Variants in C13orf46 observed in about 807,000 individuals in gnomAD.
C13orf46 encodes the protein uncharacterized protein C13orf46.
intron 6 of C13orf46, among the ~76,000 whole-genome samples, chr13:113,959,691 G>A (rs1445079819): frequency 6.6e-6 from 1 of 152,196 alleles, no homozygotes; most frequent in Non-Finnish European, 1.5e-5. Flanking sequence ...AAACCAATGA[G>A]CAAATTATAT....
intron 6 of C13orf46, among the ~76,000 whole-genome samples, 186 bp downstream of exon 6, chr13:113,964,741 C>T (rs1052245875): frequency 1.1e-4 from 17 of 152,194 alleles, no homozygotes; most frequent in Non-Finnish European, 1.9e-4. Context: ...GTCCGATGTC[C>T]TGTTCCCTGC....
chr13:113,970,966 C>T (rs2052698750), intron 1 of C13orf46, among the ~76,000 whole-genome samples: 5 of 152,294 alleles, frequency 3.3e-5, no homozygotes, highest in East Asian at 1.9e-4. Flanking sequence ...ACTTGGCCAA[C>T]GTGAAACATT....
chr13:113,947,090 C>T, the C13orf46 span, among the ~76,000 whole-genome samples: 3 of 152,230 alleles, frequency 2.0e-5, no homozygotes, highest in African/African-American at 7.2e-5. Context: ...GGCAGCACTA[C>T]AGAAGGTGAG....
the C13orf46 span, among the ~76,000 whole-genome samples, chr13:113,942,972 C>A: frequency 2.6e-5 from 4 of 152,316 alleles, no homozygotes; most frequent in African/African-American, 9.6e-5. Flanking sequence ...CTCTCTAAGG[C>A]CCGCTTGGTG....
At chr13:113,936,961 A>C in the C13orf46 span, among the ~76,000 whole-genome samples, 2 of 152,166 alleles carry the variant, frequency 1.3e-5, no homozygotes, top group South Asian at 4.1e-4. Flanking sequence ...TTGTGTCTCC[A>C]TTTTAGCAGA....
the C13orf46 span, among the ~76,000 whole-genome samples, chr13:113,946,246 G>A: frequency 6.6e-6 from 1 of 152,162 alleles, no homozygotes; most frequent in Non-Finnish European, 1.5e-5. Context: ...GACCAACGTC[G>A]CGTGGAGGAA....
At chr13:113,950,440 G>A (rs1056745662), downstream of C13orf46, among the ~76,000 whole-genome samples, 609 of 150,944 alleles carry the variant, frequency 4.0e-3, 1 homozygote, top group African/African-American at 0.014. Context: ...TCTGTAGAGT[G>A]GGGTCCTCAC....
chr13:113,933,595 T>C, the C13orf46 span, among the ~76,000 whole-genome samples: 10 of 152,176 alleles, frequency 6.6e-5, no homozygotes, highest in Non-Finnish European at 1.2e-4. Flanking sequence ...CTGGGGAGAG[T>C]TGGCATCTTC....
At chr13:113,942,100 A>T in the C13orf46 span, among the ~76,000 whole-genome samples, 2 of 152,266 alleles carry the variant, frequency 1.3e-5, no homozygotes, top group East Asian at 3.8e-4. Context: ...TCATGGTGGC[A>T]TGAGCAACAA....
intron 4 of C13orf46, among the ~76,000 whole-genome samples, chr13:113,968,015 G>C (rs995050575): frequency 0.7 from 106,438 of 152,092 alleles, 38,122 homozygotes; most frequent in African/African-American, 0.86. Flanking sequence ...TGGAATGAAA[G>C]CAAGGCCCGC....
chr13:113,954,911 C>T lies in C13orf46; in HGVS notation c.*1862G>A, dbSNP rs916940998. On this transcript the variant is annotated 3_prime_UTR_variant, in exon 7 of 7. Coordinates refer to ENST00000636427, the MANE Select transcript of C13orf46 (RefSeq NM_001365455.2). ...AGAGACGAGGAGCATCTGGCGGAGA[C>T]GAGGAGGAGCATCTGGCGGAGACGA... is the stretch of plus-strand genomic sequence containing the variant. 39 of 151,732 alleles carry T rather than the reference C, an allele frequency of 2.6e-4. No individual in the cohort carries two copies. Among genetic ancestry groups the T allele is most frequent in the African/African-American group, 1.0e-3 (35 of 34,318 alleles). The allele number at this position is 151,732 out of a possible 1,614,324, so 9.4% of individuals were successfully genotyped here.
At chr13:113,945,591 G>GAGAGAGAGAGAA in the C13orf46 span, among the ~76,000 whole-genome samples, 3 of 114,280 alleles carry the variant, frequency 2.6e-5, no homozygotes, top group Non-Finnish European at 5.5e-5. Flanking sequence ...GAGAGAGAGA[G>GAGAGAGAGAGAA]AGAAAGAAAG....
rs1458035844 is a variant in C13orf46 at position 113,953,720 on chromosome 13, A to C, written c.*3053T>G. 1 of 152,238 alleles carries C rather than the reference A, an allele frequency of 6.6e-6. No homozygotes were observed. Among genetic ancestry groups the C allele is most frequent in the Non-Finnish European group, 1.5e-5 (1 of 68,054 alleles). 9.4% of individuals were successfully genotyped at this position (152,238 alleles called of 1,614,324 possible). A position where few individuals can be genotyped will look rare whatever the true frequency, so the allele number is the denominator to read the frequency against. ...TACACGGGTGGACAGACTCATGCCG[A>C]TGTTTGCTCTGTGGGGGAGGGTGCT... On this transcript the variant is annotated 3_prime_UTR_variant, in exon 7 of 7. Coordinates refer to ENST00000636427, the MANE Select transcript of C13orf46 (RefSeq NM_001365455.2).
chr13:113,934,388 A>G, the C13orf46 span, among the ~76,000 whole-genome samples: 1 of 152,318 alleles, frequency 6.6e-6, no homozygotes, highest in Non-Finnish European at 1.5e-5. Context: ...TTGACTTTTT[A>G]TGAAACTACC....
the C13orf46 span, among the ~76,000 whole-genome samples, chr13:113,929,617 G>A: frequency 6.6e-6 from 1 of 152,224 alleles, no homozygotes; most frequent in East Asian, 1.9e-4. Context: ...GCTGGTCACC[G>A]GGAGTGACCA....
intron 6 of C13orf46, among the ~76,000 whole-genome samples, chr13:113,958,515 G>A (rs1176503819): frequency 6.6e-5 from 10 of 152,184 alleles, no homozygotes; most frequent in African/African-American, 9.7e-5. Context: ...GCCGCGGTTC[G>A]TGATTACGCC....
chr13:113,931,138 C>G, the C13orf46 span, among the ~76,000 whole-genome samples: 1 of 152,220 alleles, frequency 6.6e-6, no homozygotes, highest in Non-Finnish European at 1.5e-5. Flanking sequence ...CAGGCCGAGA[C>G]GCCAGACGTG....
chr13:113,966,252 GTGATGA>G lies in C13orf46; in HGVS notation c.504+1083_504+1088del, dbSNP rs1218246771. 4.0e-5 allele frequency among the ~76,000 whole-genome samples: 6 copies of G among 149,442 alleles called. No individual in the cohort carries two copies. In the Admixed American group the frequency reaches 4.0e-4, roughly 10 times the overall value. Reference sequence around the variant, plus strand: ...GATGGGGATAGCGATAGTGGTGATGGTGATGATGATGGTGACAGTGATGGTGGTGAT... The same window carrying G: ...GATGGGGATAGCGATAGTGGTGATGGTGATGGTGACAGTGATGGTGGTGAT... On this transcript the variant is annotated intron_variant, in intron 5 of 6. Transcript: ENST00000636427.
chr13:113,927,777 G>C, the C13orf46 span: 5 of 395,892 alleles, frequency 1.3e-5, no homozygotes, highest in Non-Finnish European at 2.2e-5. Flanking sequence ...ACTCCCACTC[G>C]GAGGATGATT....
Sources: gnomAD v4.1 joint callset for allele counts (sites outside exome capture counted in the v4.1 genomes callset) on GRCh38, gnomAD v4.1.1 for gene constraint, MANE v1.5 for transcripts, NCBI Gene and HGNC (gene_info 2026-07-23, HGNC 2026-07-21) for gene names.